FNDC3A: variants seen among roughly 807,000 people sequenced by gnomAD.
The protein encoded by FNDC3A is fibronectin type-III domain-containing protein 3A.
A neutral mutation model predicts 148.9 loss-of-function variants in FNDC3A; 32 were observed. That is an observed-to-expected ratio of 0.21 (90% CI 0.16 to 0.29). The LOEUF is 0.29. Ranked by LOEUF, FNDC3A falls within the 10% of genes least tolerant of loss-of-function variation. The pLI, the probability that FNDC3A is intolerant of heterozygous loss-of-function variation, is 1.00. For missense variants in FNDC3A, 1,191 were observed against 1,452.8 expected (o/e 0.82, Z 2.93); for synonymous variants, 472 against 473.6 (o/e 1.00, Z 0.04).
intron 1 of FNDC3A, among the ~76,000 whole-genome samples, chr13:49,005,636 T>TA (rs1300130820): frequency 1.3e-5 from 2 of 152,000 alleles, no homozygotes; most frequent in Non-Finnish European, 2.9e-5. Flanking sequence ...CAAATTTTTT[T>TA]ACCATTGTGT....
intron 1 of FNDC3A, among the ~76,000 whole-genome samples, chr13:49,004,949 GT>G (rs1259251591): frequency 6.6e-6 from 1 of 151,744 alleles, no homozygotes; most frequent in Non-Finnish European, 1.5e-5. Flanking sequence ...GTACTTAGTG[GT>G]TTTATTGGAC....
At chr13:49,158,184 G>C (rs200664981) in intron 8 of FNDC3A, among the ~76,000 whole-genome samples, 2 of 152,176 alleles carry the variant, frequency 1.3e-5, no homozygotes, top group African/African-American at 4.8e-5. Context: ...CTCCGTGGGC[G>C]TAGGACCCTC....
At chr13:49,115,830 C>G (rs554484891) in intron 4 of FNDC3A, among the ~76,000 whole-genome samples, 1 of 152,318 alleles carries the variant, frequency 6.6e-6, no homozygotes, top group East Asian at 1.9e-4. Context: ...CTGCTTTCCG[C>G]TATGTACCAA....
At chr13:49,192,502 GC>G (rs1885936573) in intron 19 of FNDC3A, among the ~76,000 whole-genome samples, 2 of 152,024 alleles carry the variant, frequency 1.3e-5, no homozygotes, top group Admixed American at 6.6e-5. Flanking sequence ...TTGTCATGTT[GC>G]CCAGGTTAGT....
chr13:49,031,437 G>A (rs1593494675), intron 2 of FNDC3A, among the ~76,000 whole-genome samples: 1 of 152,012 alleles, frequency 6.6e-6, no homozygotes, highest in African/African-American at 2.4e-5. Flanking sequence ...GTGTGGTACT[G>A]GCCTAAGAAT....
At chr13:49,139,605 T>G (rs1882577113) in intron 7 of FNDC3A, among the ~76,000 whole-genome samples, 1 of 152,214 alleles carries the variant, frequency 6.6e-6, no homozygotes, top group Non-Finnish European at 1.5e-5. Context: ...ATGGTCCTAC[T>G]TTTTCTGACA....
At chr13:48,996,900 A>G (rs1333586518) in intron 1 of FNDC3A, among the ~76,000 whole-genome samples, 2 of 152,060 alleles carry the variant, frequency 1.3e-5, no homozygotes, top group South Asian at 2.1e-4. Flanking sequence ...CATCTCTACT[A>G]AAAACACAAA....
chr13:48,999,373 C>T (rs962684474), intron 1 of FNDC3A, among the ~76,000 whole-genome samples: 1 of 152,212 alleles, frequency 6.6e-6, no homozygotes, highest in African/African-American at 2.4e-5. Context: ...GTGGGAATGT[C>T]TGTCCTGTGC....
intron 1 of FNDC3A, among the ~76,000 whole-genome samples, chr13:49,005,655 A>C (rs1434130092): frequency 6.6e-6 from 1 of 151,876 alleles, no homozygotes; most frequent in African/African-American, 2.4e-5. Flanking sequence ...GTTTTGTCTG[A>C]GGAATCAGTG....
At chr13:49,068,831 T>G (rs191749055) in intron 2 of FNDC3A, among the ~76,000 whole-genome samples, 1 of 152,244 alleles carries the variant, frequency 6.6e-6, no homozygotes, top group Non-Finnish European at 1.5e-5. Flanking sequence ...ATGTTCTTAC[T>G]TACAAGTGGG....
chr13:49,124,486 A>T (rs900263325), intron 4 of FNDC3A, among the ~76,000 whole-genome samples: 1 of 144,176 alleles, frequency 6.9e-6, no homozygotes, highest in Non-Finnish European at 1.5e-5. Context: ...AACTTTAATT[A>T]AAAAAAAAAA....
At chr13:48,992,999 G>A (rs1286397741) in intron 1 of FNDC3A, among the ~76,000 whole-genome samples, 1 of 152,030 alleles carries the variant, frequency 6.6e-6, no homozygotes, top group Non-Finnish European at 1.5e-5. Context: ...TCAATCTAAG[G>A]ATAGTATATC....
intron 1 of FNDC3A, among the ~76,000 whole-genome samples, chr13:48,989,390 A>G (rs1020076409): frequency 5.3e-5 from 8 of 152,242 alleles, no homozygotes; most frequent in African/African-American, 1.7e-4. Flanking sequence ...TTGGCCTTCA[A>G]ATGATACTGA....
At chr13:49,181,502 A>G (rs1354805558) in intron 14 of FNDC3A, among the ~76,000 whole-genome samples, 1 of 152,108 alleles carries the variant, frequency 6.6e-6, no homozygotes, top group Admixed American at 6.5e-5. Context: ...TTTGGAAACA[A>G]CTGATCTAGA....
At chr13:49,197,433 TCA>T (rs1468628364) in intron 20 of FNDC3A, among the ~76,000 whole-genome samples, 1 of 152,232 alleles carries the variant, frequency 6.6e-6, no homozygotes, top group African/African-American at 2.4e-5. Context: ...TTTTAACATT[TCA>T]TATTAATAGA....
intron 2 of FNDC3A, among the ~76,000 whole-genome samples, chr13:49,039,548 C>T (rs1190066981): frequency 1.3e-5 from 2 of 152,172 alleles, no homozygotes; most frequent in South Asian, 2.1e-4. Flanking sequence ...TCTGTAACTT[C>T]TCCAAGCCAT....
chr13:49,118,764 C>T lies in FNDC3A; in HGVS notation c.252+4033C>T, dbSNP rs182349825. Among the ~76,000 whole-genome samples, 305 of 152,304 alleles carry T rather than the reference C, an allele frequency of 2.0e-3. 1 individual carries two copies. Among genetic ancestry groups the T allele is most frequent in the African/African-American group, 6.4e-3 (266 of 41,574 alleles). On this transcript the variant is annotated intron_variant, in intron 4 of 25. Transcript: ENST00000492622. ...GAAGCTGGAACTGGGCAGAGCCCAC[C>T]GCAGCTCATCAAAGCCACTGTAGCC...
chr13:48,985,626 TACATAC>T (rs1461080042), intron 1 of FNDC3A, among the ~76,000 whole-genome samples: 1 of 152,114 alleles, frequency 6.6e-6, no homozygotes, highest in African/African-American at 2.4e-5. Context: ...TACAATATAA[TACATAC>T]ACAAAGACAC....
intron 8 of FNDC3A, among the ~76,000 whole-genome samples, chr13:49,164,892 A>G (rs1363662116): frequency 2.0e-5 from 3 of 152,136 alleles, no homozygotes; most frequent in Non-Finnish European, 4.4e-5. Flanking sequence ...TCACTGGGTT[A>G]TTTCCAGAGA....
Sources: gnomAD v4.1 joint callset for allele counts (sites outside exome capture counted in the v4.1 genomes callset) on GRCh38, gnomAD v4.1.1 for gene constraint, MANE v1.5 for transcripts, NCBI Gene and HGNC (gene_info 2026-07-23, HGNC 2026-07-21) for gene names.